DYNC2H1: variants seen among roughly 807,000 people sequenced by gnomAD.
DYNC2H1 encodes dynein cytoplasmic 2 heavy chain 1.
In DYNC2H1, 410 loss-of-function variants were observed where a neutral mutation model predicts 570.0. The ratio of observed to expected loss-of-function variants is 0.72; its 90% CI spans 0.66 to 0.78. DYNC2H1 has a LOEUF of 0.78. Ranked by LOEUF, DYNC2H1 falls within the 30% of genes least tolerant of loss-of-function variation. The probability of loss-of-function intolerance (pLI) is 0.00; values close to 1 mark genes in which losing one functional copy is unlikely to be tolerated. For missense variants in DYNC2H1, 4,865 were observed against 5,046.4 expected (o/e 0.96, Z 1.09); for synonymous variants, 1,688 against 1,677.6 (o/e 1.01, Z -0.15).
chr11:103,307,297 C>G (rs1244975476), intron 77 of DYNC2H1, among the ~76,000 whole-genome samples: 1 of 152,088 alleles, frequency 6.6e-6, no homozygotes, highest in Non-Finnish European at 1.5e-5. Context: ...TGAATTAAAG[C>G]AGTGAGAATC....
At chr11:103,391,657 A>T (rs1383321175) in intron 83 of DYNC2H1, among the ~76,000 whole-genome samples, 1 of 152,142 alleles carries the variant, frequency 6.6e-6, no homozygotes, top group Non-Finnish European at 1.5e-5. Context: ...GATGATGGTG[A>T]TGTACAGATG....
Position 103,363,277 on chromosome 11 carries a change from T to A in DYNC2H1, c.12156+4918T>A, listed in dbSNP as rs758705417. On this transcript the variant is annotated intron_variant, in intron 83 of 88. Transcript: ENST00000375735. This position sits in a 1 kb window ranked among gnomAD's most constrained non-coding sequence, Gnocchi z 5.6. The stretch of plus-strand genomic sequence containing the variant: ...AACTCAGCTTCTCTCATCTCTCCAC[T>A]GCTTTTTTTCTTAATTAGAACTATT... Among the ~76,000 whole-genome samples the A allele has an allele frequency of 6.6e-6, 1 of 152,156 alleles. No individual in the cohort carries two copies. Among genetic ancestry groups the A allele is most frequent in the Non-Finnish European group, 1.5e-5 (1 of 68,032 alleles).
At chr11:103,475,566 G>A (rs906079472) in intron 88 of DYNC2H1, among the ~76,000 whole-genome samples, 6 of 152,092 alleles carry the variant, frequency 3.9e-5, no homozygotes, top group Non-Finnish European at 5.9e-5. Context: ...AAGAGCAAGT[G>A]TATTTAACTT....
chr11:103,173,892 A>G (rs751807497), intron 35 of DYNC2H1, among the ~76,000 whole-genome samples, 163 bp from the exon 36 acceptor site: 3 of 152,162 alleles, frequency 2.0e-5, no homozygotes, highest in Non-Finnish European at 4.4e-5. Flanking sequence ...TTAACAGCTT[A>G]CTTGAATGAT....
Position 103,154,602 on chromosome 11 carries a change from T to G in DYNC2H1, c.3454T>G (p.Phe1152Val), listed in dbSNP as rs1054675967. ...AATGGCCAATGAAGACTGGATCACT[T>G]TTCGGTTTGATTCAAAAACAATATT... ...QEMANEDWITFRTKTYLFEEF... is the reference protein window; with the variant it reads ...QEMANEDWITVRTKTYLFEEF... Residue 1152 changes from phenylalanine (F) to valine (V), a missense_variant, in exon 23 of 89, where the codon TTT (phenylalanine) becomes GTT (valine). Phe to Val is a conservative substitution (Grantham distance 50). This residue lies in a region of DYNC2H1 where 1,936 missense variants were observed against 1,962.1 expected (regional missense o/e 0.99). Transcript: ENST00000375735. 1.0e-5 allele frequency: 16 copies of G among 1,592,058 alleles called. No individual in the cohort carries two copies. Among genetic ancestry groups the G allele is most frequent in the Non-Finnish European group, 1.3e-5 (15 of 1,171,554 alleles).
At chr11:103,281,760 G>GAA (rs968381269) in intron 71 of DYNC2H1, among the ~76,000 whole-genome samples, 1 of 150,348 alleles carries the variant, frequency 6.7e-6, no homozygotes, top group Non-Finnish European at 1.5e-5. Context: ...CAATCAGTGA[G>GAA]AAAAAAATGC....
chr11:103,329,359 A>G (rs1223126256), intron 82 of DYNC2H1, among the ~76,000 whole-genome samples: 1 of 151,896 alleles, frequency 6.6e-6, no homozygotes, highest in East Asian at 2.0e-4. Flanking sequence ...GTTATAAGGA[A>G]TTGGGCATTA....
At chr11:103,343,774 G>C (rs1181920279) in intron 82 of DYNC2H1, among the ~76,000 whole-genome samples, 2 of 152,102 alleles carry the variant, frequency 1.3e-5, no homozygotes. Context: ...TTTGAACTTA[G>C]GACTTTCTGG....
At position 103,169,005 on chromosome 11, in the gene DYNC2H1, T is replaced by C. The variant is rs757886298; in HGVS notation, c.4968+45T>C. 4.1e-6 allele frequency: 6 copies of C among 1,481,066 alleles called. No individual in the cohort carries two copies. In the African/African-American group the frequency reaches 8.7e-5, roughly 21 times the overall value. The allele number at this position is 1,481,066 out of a possible 1,614,324, so 91.7% of individuals were successfully genotyped here. On this transcript the variant is annotated intron_variant, in intron 32 of 88. Transcript: ENST00000375735. ...TTTATATTTCCAATTAGAAATTATT[T>C]ACTGTAAAGAAAATTTGTTATTGGT...
chr11:103,187,651 T>A, intron 43 of DYNC2H1, 65 bp downstream of exon 43: 1 of 1,555,696 alleles, frequency 6.4e-7, no homozygotes, highest in Non-Finnish European at 8.7e-7. Context: ...TAACTTTTCT[T>A]AGAAAATATT....
At position 103,109,584 on chromosome 11, in the gene DYNC2H1, G is replaced by T. The variant is rs368916470; in HGVS notation, c.10G>T (p.Gly4Trp). 4 of 1,613,582 alleles carry T rather than the reference G, an allele frequency of 2.5e-6. No homozygotes were observed. The East Asian group carries it at 8.9e-5, about 36-fold the overall frequency. MANGTADVRKLFIF... is the reference protein window; with the variant it reads MANWTADVRKLFIF... ...TCCACCCCTTCCAATCATGGCGAAC[G>T]GGACTGCGGACGTTCGGAAGCTCTT... Residue 4 changes from glycine to tryptophan, a missense_variant, in exon 1 of 89, where the codon GGG becomes TGG. Physicochemically the swap from Gly to Trp is radical, Grantham distance 184. This residue lies in a region of DYNC2H1 where 1,936 missense variants were observed against 1,962.1 expected (regional missense o/e 0.99). Coordinates refer to ENST00000375735, the MANE Select transcript of DYNC2H1 (RefSeq NM_001377.3).
At chr11:103,211,668 A>T (rs994093619) in intron 53 of DYNC2H1, 121 bp from the exon 54 acceptor site, 1 of 420,516 alleles carries the variant, frequency 2.4e-6, no homozygotes, top group African/African-American at 2.0e-5. Context: ...ATGCTATCTC[A>T]TATTTATAAC....
chr11:103,354,188 A>T (rs78188643), intron 82 of DYNC2H1, among the ~76,000 whole-genome samples: 4,980 of 150,844 alleles, frequency 0.033, 129 homozygotes, highest in Non-Finnish European at 0.043. Flanking sequence ...AAACAAAAAA[A>T]AAAAAAAAAA....
chr11:103,144,671 G>A (rs983638163), intron 18 of DYNC2H1, among the ~76,000 whole-genome samples: 1 of 151,424 alleles, frequency 6.6e-6, no homozygotes, highest in Non-Finnish European at 1.5e-5. Flanking sequence ...ATAGATCTGG[G>A]AGTCTTACAT....
At chr11:103,281,341 A>G (rs1351699556) in intron 71 of DYNC2H1, among the ~76,000 whole-genome samples, 1 of 152,036 alleles carries the variant, frequency 6.6e-6, no homozygotes, top group Non-Finnish European at 1.5e-5. Flanking sequence ...CACTATGATC[A>G]GTATGTTCCA....
chr11:103,342,440 G>C (rs1039128009), intron 82 of DYNC2H1, among the ~76,000 whole-genome samples: 2 of 151,940 alleles, frequency 1.3e-5, no homozygotes, highest in Non-Finnish European at 2.9e-5. Flanking sequence ...CTTCCACAAC[G>C]TGGAACCTTT....
intron 83 of DYNC2H1, among the ~76,000 whole-genome samples, chr11:103,382,294 T>C (rs1451178862): frequency 1.3e-5 from 2 of 152,192 alleles, no homozygotes; most frequent in East Asian, 3.8e-4. Flanking sequence ...AAATAGGTGA[T>C]AGACTTTTTT....
At chr11:103,394,200 A>G (rs2458649) in intron 83 of DYNC2H1, among the ~76,000 whole-genome samples, 102,138 of 152,034 alleles carry the variant, frequency 0.67, 34,445 homozygotes, top group Admixed American at 0.73. Context: ...TCAATTAAAT[A>G]ACATATCTTT....
At position 103,209,773 on chromosome 11, in the gene DYNC2H1, A is replaced by G; in HGVS notation, c.8455-103A>G. ...TGTCTCTTAGTCTGGAATGAATCCTAGAAGAAAAGTACAATCAATACTGAC... is the reference window on the plus strand; with the variant it reads ...TGTCTCTTAGTCTGGAATGAATCCTGGAAGAAAAGTACAATCAATACTGAC... On this transcript the variant is annotated intron_variant, in intron 52 of 88. Transcript: ENST00000375735. The surrounding 1 kb of genome is among the most constrained non-coding windows in gnomAD (Gnocchi z 4.2). 2 of 862,016 alleles carry G rather than the reference A, an allele frequency of 2.3e-6. No individual in the cohort carries two copies. The highest frequency in any genetic ancestry group is 3.1e-6 in the Non-Finnish European group (2 of 635,368). 53.4% of individuals were successfully genotyped at this position (862,016 alleles called of 1,614,324 possible). A position where few individuals can be genotyped will look rare whatever the true frequency, so the allele number is the denominator to read the frequency against.
Sources: gnomAD v4.1 joint callset for allele counts (sites outside exome capture counted in the v4.1 genomes callset) on GRCh38, gnomAD v4.1.1 for gene constraint, gnomAD v4.1.1 regional missense constraint, Gnocchi (gnomAD v3.1) non-coding constraint, MANE v1.5 for transcripts, NCBI Gene and HGNC (gene_info 2026-07-23, HGNC 2026-07-21) for gene names.